Variants in MYO1H observed in about 807,000 individuals in gnomAD.
MYO1H encodes unconventional myosin-Ih.
In MYO1H, 118 loss-of-function variants were observed where a neutral mutation model predicts 149.3. The ratio of observed to expected loss-of-function variants is 0.79; its 90% CI spans 0.68 to 0.92. The LOEUF is 0.92. MYO1H is among the 40% of genes least tolerant of loss of function. The pLI is 0.00. For synonymous variants in MYO1H, 447 were observed against 465.2 expected, an observed-to-expected ratio of 0.96 and a Z score of 0.50; for missense variants, 1,212 against 1,280.7, an observed-to-expected ratio of 0.95 and a Z score of 0.82.
chr12:109,335,843 T>C, the MYO1H span, among the ~76,000 whole-genome samples: 1 of 152,338 alleles, frequency 6.6e-6, no homozygotes, highest in Middle Eastern at 3.4e-3. Context: ...CATTTTCTGT[T>C]AATAAATCAA....
chr12:109,360,762 G>A (rs1406667895), intron 1 of MYO1H, among the ~76,000 whole-genome samples: 2 of 152,160 alleles, frequency 1.3e-5, no homozygotes. Flanking sequence ...AATTAGAGAG[G>A]TTAACAGAAA....
At chr12:109,382,673 G>A (rs1461272771) in intron 1 of MYO1H, among the ~76,000 whole-genome samples, 2 of 151,774 alleles carry the variant, frequency 1.3e-5, no homozygotes, top group African/African-American at 4.8e-5. Flanking sequence ...TATACATAAA[G>A]CGATATAATG....
chr12:109,380,378 G>GAA (rs144320643), intron 1 of MYO1H, among the ~76,000 whole-genome samples: 27 of 149,736 alleles, frequency 1.8e-4, no homozygotes, highest in African/African-American at 5.6e-4. Context: ...ACGGTAAAAT[G>GAA]AAAAAAAAAT....
At chr12:109,372,306 AAT>A (rs1226268411) in intron 1 of MYO1H, among the ~76,000 whole-genome samples, 2 of 152,054 alleles carry the variant, frequency 1.3e-5, no homozygotes, top group East Asian at 3.8e-4. Flanking sequence ...TTTGGTGTAA[AAT>A]ATGACATAGA....
At chr12:109,399,449 G>A (rs937093584) in intron 5 of MYO1H, among the ~76,000 whole-genome samples, 10 of 151,992 alleles carry the variant, frequency 6.6e-5, no homozygotes, top group South Asian at 4.2e-4. Context: ...AAAATTAGCC[G>A]AGTGTGGTGG....
chr12:109,356,204 C>T (rs1161265176), intron 1 of MYO1H, among the ~76,000 whole-genome samples: 1 of 152,084 alleles, frequency 6.6e-6, no homozygotes, highest in Non-Finnish European at 1.5e-5. Context: ...AAAAACAAAA[C>T]CCTGAAAAAA....
chr12:109,410,686 A>G lies in MYO1H; in HGVS notation c.1330-2A>G. On this transcript the variant is annotated splice_acceptor_variant, in intron 12 of 31. Coordinates refer to ENST00000310903, the Ensembl canonical transcript of MYO1H. LOFTEE classifies it high-confidence loss of function. ...AGAATTCATTCCTCTTTGTCATTTT[A>G]GTGGGAGCCAATTAAATATTTCAAC... 13 of 1,590,530 alleles carry G rather than the reference A, an allele frequency of 8.2e-6. No homozygotes were observed. The highest frequency in any genetic ancestry group is 1.1e-5 in the Non-Finnish European group (13 of 1,163,588).
chr12:109,402,056 C>T (rs1474424800), intron 6 of MYO1H, among the ~76,000 whole-genome samples: 1 of 152,130 alleles, frequency 6.6e-6, no homozygotes, highest in Non-Finnish European at 1.5e-5. Flanking sequence ...AAGATCTTTT[C>T]CCGCATTCCT....
At chr12:109,406,546 A>T (rs1350322498) in intron 8 of MYO1H, among the ~76,000 whole-genome samples, 4 of 149,278 alleles carry the variant, frequency 2.7e-5, no homozygotes, top group Admixed American at 1.3e-4. Flanking sequence ...GCTACTCAGG[A>T]GGCTAAGGTA....
the MYO1H span, among the ~76,000 whole-genome samples, chr12:109,327,130 TTTTC>T: frequency 1.2e-4 from 15 of 129,904 alleles, no homozygotes; most frequent in East Asian, 1.3e-3. Flanking sequence ...TTCTTTTTCT[TTTTC>T]TTTTTTTTTT....
At chr12:109,319,921 TTTTTGTTTTG>T in the MYO1H span, among the ~76,000 whole-genome samples, 6 of 152,274 alleles carry the variant, frequency 3.9e-5, no homozygotes, top group East Asian at 3.9e-4. Flanking sequence ...GAACAGATTG[TTTTTGTTTTG>T]TTTTGTTTTG....
intron 7 of MYO1H, among the ~76,000 whole-genome samples, chr12:109,405,404 G>A (rs140174091): frequency 0.079 from 12,077 of 152,124 alleles, 568 homozygotes; most frequent in Middle Eastern, 0.12. Context: ...TCCGCCTCCC[G>A]GGTTCAAGCA....
chr12:109,441,670 C>T, exon 26 of MYO1H: 1 of 1,613,286 alleles, frequency 6.2e-7, no homozygotes. Context: ...GACGGCTACA[C>T]AGAAAGTTTA....
chr12:109,432,318 G>A (rs908206029), intron 19 of MYO1H, among the ~76,000 whole-genome samples: 1 of 151,842 alleles, frequency 6.6e-6, no homozygotes, highest in South Asian at 2.1e-4. Context: ...TTTAAGTAGA[G>A]ACGGGGTCTG....
chr12:109,388,779 G>A (rs767120853), exon 2 of MYO1H: 13 of 1,612,926 alleles, frequency 8.1e-6, no homozygotes, highest in South Asian at 6.6e-5. Context: ...GCTATTGGAC[G>A]CGTACACCAG....
At position 109,407,671 on chromosome 12, in the gene MYO1H, C is replaced by T. The variant is rs530994460; in HGVS notation, c.1036-123C>T. 1,191 of 925,512 alleles carry T rather than the reference C, an allele frequency of 1.3e-3. 8 individuals are homozygous for T. Among genetic ancestry groups the T allele is most frequent in the Non-Finnish European group, 9.1e-4 (609 of 666,952 alleles). 57.3% of individuals were successfully genotyped at this position (925,512 alleles called of 1,614,324 possible). A position where few individuals can be genotyped will look rare whatever the true frequency, so the allele number is the denominator to read the frequency against. On this transcript the variant is annotated intron_variant, in intron 9 of 31. Coordinates refer to ENST00000310903, the Ensembl canonical transcript of MYO1H. ...GTAGTCCCAGCTACTGCATTCCAGG[C>T]TGGGCAGCAGAGCGAGACCCTGTCT...
At chr12:109,355,776 G>A (rs1293983487) in intron 1 of MYO1H, among the ~76,000 whole-genome samples, 2 of 151,248 alleles carry the variant, frequency 1.3e-5, no homozygotes, top group Non-Finnish European at 2.9e-5. Flanking sequence ...ACCCAGGCTG[G>A]AGTGCAGTGG....
intron 21 of MYO1H, among the ~76,000 whole-genome samples, chr12:109,435,553 C>CG (rs1184857333): frequency 4.6e-5 from 7 of 152,242 alleles, no homozygotes; most frequent in East Asian, 3.9e-4. Flanking sequence ...ATCAAAACTG[C>CG]GGGGGGAGGG....
intron 16 of MYO1H, 104 bp downstream of exon 16, chr12:109,421,131 C>A (rs759138449): frequency 5.6e-6 from 4 of 718,342 alleles, no homozygotes; most frequent in Non-Finnish European, 9.5e-6. Flanking sequence ...TTTTTCCATG[C>A]ATCGTATTAG....
Sources: gnomAD v4.1 joint callset for allele counts (sites outside exome capture counted in the v4.1 genomes callset) on GRCh38, gnomAD v4.1.1 for gene constraint, MANE v1.5 for transcripts, NCBI Gene and HGNC (gene_info 2026-07-23, HGNC 2026-07-21) for gene names.